MDGA2: variants seen among roughly 807,000 people sequenced by gnomAD.
MDGA2 encodes the protein MAM domain-containing glycosylphosphatidylinositol anchor protein 2.
MDGA2 carries 40 observed loss-of-function variants against 117.8 expected under a neutral mutation model. The observed-to-expected ratio is 0.34, with a 90% CI of 0.26 to 0.44. MDGA2 has a LOEUF of 0.44. Ranked by LOEUF, MDGA2 falls within the 20% of genes least tolerant of loss-of-function variation. The pLI is 1.00. For synonymous variants in MDGA2, 452 were observed against 439.0 expected, an observed-to-expected ratio of 1.03 and a Z score of -0.37; for missense variants, 1,123 against 1,250.6, an observed-to-expected ratio of 0.90 and a Z score of 1.54.
At chr14:47,533,731 G>A (rs931008841) in intron 1 of MDGA2, among the ~76,000 whole-genome samples, 1 of 152,152 alleles carries the variant, frequency 6.6e-6, no homozygotes, top group African/African-American at 2.4e-5. Context: ...ATGGATATGT[G>A]TGTCTTTAGT....
At chr14:47,336,089 G>A (rs558388394) in intron 1 of MDGA2, among the ~76,000 whole-genome samples, 1 of 152,030 alleles carries the variant, frequency 6.6e-6, no homozygotes, top group East Asian at 1.9e-4. Context: ...TTACCTGAAT[G>A]GAGTGATGGA....
chr14:46,849,648 A>G (rs749130211), intron 15 of MDGA2, among the ~76,000 whole-genome samples: 7 of 151,936 alleles, frequency 4.6e-5, no homozygotes, highest in African/African-American at 7.2e-5. Flanking sequence ...ATGAGAAATT[A>G]TAAGTGCATT....
chr14:47,176,683 A>C (rs1884465099), intron 3 of MDGA2, among the ~76,000 whole-genome samples: 1 of 152,206 alleles, frequency 6.6e-6, no homozygotes, highest in African/African-American at 2.4e-5. Context: ...TGTTAGACCT[A>C]AAACCATAAA....
intron 8 of MDGA2, among the ~76,000 whole-genome samples, chr14:47,023,113 C>A (rs974647155): frequency 3.4e-5 from 5 of 147,166 alleles, no homozygotes; most frequent in African/African-American, 1.3e-4. Flanking sequence ...GTAATGTTTA[C>A]ATTCCTGGAA....
chr14:46,929,674 G>T (rs1400977854), intron 9 of MDGA2, among the ~76,000 whole-genome samples: 2 of 86,612 alleles, frequency 2.3e-5, no homozygotes, highest in Non-Finnish European at 4.3e-5. Flanking sequence ...TTTTCGAGAT[G>T]GACTCTCACT....
chr14:47,590,436 T>TA (rs1468688075), intron 1 of MDGA2, among the ~76,000 whole-genome samples: 1 of 151,658 alleles, frequency 6.6e-6, no homozygotes, highest in African/African-American at 2.4e-5. Flanking sequence ...GGGAAAGGTG[T>TA]AAAAAAATAC....
intron 2 of MDGA2, among the ~76,000 whole-genome samples, chr14:47,298,823 T>A (rs915844959): frequency 1.3e-5 from 2 of 151,720 alleles, no homozygotes; most frequent in African/African-American, 4.8e-5. Flanking sequence ...TAGCTGGGAC[T>A]ACAGGCACCC....
intron 1 of MDGA2, among the ~76,000 whole-genome samples, chr14:47,475,002 A>G (rs775421642): frequency 6.6e-6 from 1 of 152,228 alleles, no homozygotes; most frequent in Non-Finnish European, 1.5e-5. Flanking sequence ...TAAACTAAAG[A>G]GTTCCTGCAC....
intron 2 of MDGA2, among the ~76,000 whole-genome samples, chr14:47,226,241 A>ATAAC (rs1367289792): frequency 1.3e-5 from 2 of 151,304 alleles, no homozygotes; most frequent in East Asian, 3.9e-4. Flanking sequence ...AAATAAATAA[A>ATAAC]TAAATAAATA....
chr14:47,346,281 G>A (rs952037415), intron 1 of MDGA2, among the ~76,000 whole-genome samples: 4 of 152,070 alleles, frequency 2.6e-5, no homozygotes, highest in Admixed American at 6.5e-5. Flanking sequence ...AACAGTTAAC[G>A]GACAGCTAGT....
chr14:47,609,690 T>C (rs1896813620), intron 1 of MDGA2, among the ~76,000 whole-genome samples: 1 of 151,392 alleles, frequency 6.6e-6, no homozygotes. Context: ...GCTGTAGTAG[T>C]TTCCATTCCC....
intron 10 of MDGA2, among the ~76,000 whole-genome samples, chr14:46,893,573 G>A (rs1463726275): frequency 2.6e-5 from 4 of 152,022 alleles, no homozygotes; most frequent in African/African-American, 4.8e-5. Context: ...GTTAATTTGC[G>A]AGACTGTAGT....
intron 6 of MDGA2, among the ~76,000 whole-genome samples, chr14:47,091,734 G>C (rs1483251400): frequency 6.8e-6 from 1 of 146,282 alleles, no homozygotes; most frequent in East Asian, 2.2e-4. Context: ...CTGAGTTCTA[G>C]TCAATAGACT....
At chr14:47,038,297 AGAAT>A (rs1194706912) in intron 7 of MDGA2, among the ~76,000 whole-genome samples, 3 of 152,186 alleles carry the variant, frequency 2.0e-5, no homozygotes, top group Non-Finnish European at 4.4e-5. Flanking sequence ...TCTGATTACA[AGAAT>A]GAATAGTAAA....
chr14:47,082,365 A>G (rs1393316428), intron 6 of MDGA2, among the ~76,000 whole-genome samples: 2 of 151,468 alleles, frequency 1.3e-5, no homozygotes, highest in African/African-American at 2.4e-5. Flanking sequence ...CACATACTAT[A>G]GCTATTTTTC....
Position 47,035,045 on chromosome 14 carries a change from T to A in MDGA2, c.1785A>T (p.Lys595Asn). 6.2e-7 allele frequency: 1 copy of A among 1,613,984 alleles called. No individual in the cohort carries two copies. The highest frequency in any genetic ancestry group is 8.5e-7 in the Non-Finnish European group (1 of 1,179,934). ...QTSQYNGFNV[K>N]PREALVQLIV... is the part of the protein sequence containing the mutation. ...TGAGCTGCACCAAGGCTTCCCTTGG[T>A]TTCACGTTAAATCCATTGTATTGGC... The change falls in exon 8 of 17, where the codon AAA (lysine) becomes AAT (asparagine). Residue 595 changes from lysine to asparagine, a missense_variant. Around this residue, in one of 2 missense-constraint regions of MDGA2, gnomAD observed 890 missense variants for 1,050.3 expected, o/e 0.85. Transcript: ENST00000399232.
Position 47,675,033 on chromosome 14 carries a change from AG to A in MDGA2, c.-238del. 5.0e-6 allele frequency: 1 copy of A among 200,924 alleles called. No homozygotes were observed. Among genetic ancestry groups the A allele is most frequent in the Non-Finnish European group, 9.8e-6 (1 of 101,872 alleles). The allele number at this position is 200,924 out of a possible 1,614,324, so 12.4% of individuals were successfully genotyped here. A position where few individuals can be genotyped will look rare whatever the true frequency, so the allele number is the denominator to read the frequency against. On this transcript the variant is annotated 5_prime_UTR_variant, in exon 1 of 17. Coordinates refer to ENST00000399232, the MANE Select transcript of MDGA2 (RefSeq NM_001113498.3). ...CGCTGGGCCGGCGGCGGGCGCGGGC[AG>A]GGGGCCGGGGGTGCCGCGCGGTAGG... is the stretch of plus-strand genomic sequence containing the variant.
At chr14:47,005,884 T>C (rs1443994517) in intron 8 of MDGA2, among the ~76,000 whole-genome samples, 2 of 151,636 alleles carry the variant, frequency 1.3e-5, no homozygotes, top group Non-Finnish European at 3.0e-5. Flanking sequence ...TTTAAAACTA[T>C]GCAAATCTAT....
chr14:47,085,432 T>C (rs1457475774), intron 6 of MDGA2, among the ~76,000 whole-genome samples: 1 of 152,176 alleles, frequency 6.6e-6, no homozygotes, highest in African/African-American at 2.4e-5. Flanking sequence ...AACTGAATGA[T>C]ATTGACACAG....
Sources: gnomAD v4.1 joint callset for allele counts (sites outside exome capture counted in the v4.1 genomes callset) on GRCh38, gnomAD v4.1.1 for gene constraint, gnomAD v4.1.1 regional missense constraint, MANE v1.5 for transcripts, NCBI Gene and HGNC (gene_info 2026-07-23, HGNC 2026-07-21) for gene names.